The following ZCWPW2 variants were observed in gnomAD, a reference collection of about 807,000 sequenced individuals.
ZCWPW2 encodes the protein zinc finger CW-type PWWP domain protein 2.
Under a neutral mutation model 46.6 loss-of-function variants are expected in ZCWPW2, and 45 were observed. The observed-to-expected ratio is 0.96, with a 90% CI of 0.76 to 1.24. The LOEUF (loss-of-function observed/expected upper bound fraction) is 1.24. Among genes scored for constraint, ZCWPW2 ranks in the 50% most tolerant of loss-of-function variants. ZCWPW2 has a pLI of 0.00. For synonymous variants in ZCWPW2, 152 were observed against 137.1 expected, an observed-to-expected ratio of 1.11 and a Z score of -0.76; for missense variants, 429 against 403.9, an observed-to-expected ratio of 1.06 and a Z score of -0.53.
intron 6 of ZCWPW2, among the ~76,000 whole-genome samples, chr3:28,509,745 T>G (rs1700377331): frequency 6.6e-6 from 1 of 152,192 alleles, no homozygotes; most frequent in Non-Finnish European, 1.5e-5. Flanking sequence ...ATATATGATT[T>G]GAAAATATTT....
chr3:28,474,018 A>T (rs1699136453), intron 4 of ZCWPW2, among the ~76,000 whole-genome samples: 2 of 152,242 alleles, frequency 1.3e-5, no homozygotes, highest in African/African-American at 4.8e-5. Flanking sequence ...ATAACTAAAG[A>T]GTATAATTGG....
intron 1 of ZCWPW2, among the ~76,000 whole-genome samples, chr3:28,373,017 C>G (rs1705386446): frequency 6.6e-6 from 1 of 151,972 alleles, no homozygotes; most frequent in Non-Finnish European, 1.5e-5. Flanking sequence ...CTATATCTAT[C>G]TATCTACACA....
At chr3:28,432,179 T>C (rs997233333) in intron 3 of ZCWPW2, among the ~76,000 whole-genome samples, 2 of 152,168 alleles carry the variant, frequency 1.3e-5, no homozygotes, top group Non-Finnish European at 2.9e-5. Context: ...GCGTCTTGTC[T>C]GGTTTATGGC....
intron 2 of ZCWPW2, among the ~76,000 whole-genome samples, chr3:28,402,514 CAAGATA>C (rs896747557): frequency 3.3e-5 from 5 of 152,060 alleles, no homozygotes; most frequent in African/African-American, 1.2e-4. Context: ...CACTATTTCA[CAAGATA>C]AAGAAAGAGG....
At chr3:28,425,322 C>T (rs1295239506) in intron 3 of ZCWPW2, among the ~76,000 whole-genome samples, 1 of 152,092 alleles carries the variant, frequency 6.6e-6, no homozygotes, top group Non-Finnish European at 1.5e-5. Context: ...TTAAGAAACT[C>T]AAATATACTT....
At position 28,456,268 on chromosome 3, in the gene ZCWPW2, G is replaced by A. The variant is rs556140885; in HGVS notation, c.492+20999G>A. 8.5e-5 allele frequency among the ~76,000 whole-genome samples: 13 copies of A among 152,116 alleles called. No homozygotes were observed. The East Asian group carries it at 2.1e-3, about 25-fold the overall frequency. On this transcript the variant is annotated intron_variant, in intron 4 of 9. Transcript: ENST00000383768. ...CAATTGTGAATGGGAATTCATTTGC[G>A]ATTTTGCTCTTGGTTTGCCTGTTGT...
intron 3 of ZCWPW2, among the ~76,000 whole-genome samples, chr3:28,427,050 A>G (rs907783765): frequency 1.3e-5 from 2 of 152,142 alleles, no homozygotes; most frequent in Non-Finnish European, 1.5e-5. Flanking sequence ...ACTGGTATCT[A>G]TCTGATTTTG....
chr3:28,370,534 A>G (rs1243537812), intron 1 of ZCWPW2, among the ~76,000 whole-genome samples: 1 of 152,174 alleles, frequency 6.6e-6, no homozygotes, highest in Non-Finnish European at 1.5e-5. Flanking sequence ...AACTATTAGA[A>G]GTCATGATAA....
At chr3:28,473,878 G>A (rs994753504) in intron 4 of ZCWPW2, among the ~76,000 whole-genome samples, 1 of 152,172 alleles carries the variant, frequency 6.6e-6, no homozygotes, top group Non-Finnish European at 1.5e-5. Flanking sequence ...GGCTGGGAAG[G>A]TTAATGGAGT....
At chr3:28,374,681 A>C (rs558530146) in intron 1 of ZCWPW2, among the ~76,000 whole-genome samples, 1 of 152,060 alleles carries the variant, frequency 6.6e-6, no homozygotes, top group East Asian at 1.9e-4. Context: ...TCTTGTATAG[A>C]TCTTTCACTT....
intron 5 of ZCWPW2, among the ~76,000 whole-genome samples, chr3:28,480,000 G>C (rs1699374850): frequency 1.3e-5 from 2 of 152,094 alleles, no homozygotes; most frequent in African/African-American, 4.8e-5. Context: ...TTGAGTCATT[G>C]TCTTTGCTAT....
chr3:28,506,243 G>A (rs1427956330), intron 6 of ZCWPW2, among the ~76,000 whole-genome samples: 1 of 151,642 alleles, frequency 6.6e-6, no homozygotes, highest in Non-Finnish European at 1.5e-5. Flanking sequence ...TGTTATATTT[G>A]TGTGGATAGG....
chr3:28,396,375 G>T (rs1256827587), intron 2 of ZCWPW2, among the ~76,000 whole-genome samples: 1 of 152,060 alleles, frequency 6.6e-6, no homozygotes, highest in Non-Finnish European at 1.5e-5. Flanking sequence ...CTGGAGGTAG[G>T]CAGGACACAA....
At chr3:28,454,994 A>G (rs1345748589) in intron 4 of ZCWPW2, among the ~76,000 whole-genome samples, 1 of 152,184 alleles carries the variant, frequency 6.6e-6, no homozygotes, top group Admixed American at 6.5e-5. Flanking sequence ...CTTTGGGTCT[A>G]TACCTAGTAA....
intron 2 of ZCWPW2, among the ~76,000 whole-genome samples, chr3:28,402,972 C>T (rs1022448634): frequency 6.6e-6 from 1 of 152,164 alleles, no homozygotes; most frequent in Admixed American, 6.5e-5. Flanking sequence ...AAAGCATTCC[C>T]TCTGAGAACA....
chr3:28,498,286 T>C (rs1264720667), intron 6 of ZCWPW2, among the ~76,000 whole-genome samples: 1 of 150,720 alleles, frequency 6.6e-6, no homozygotes, highest in Non-Finnish European at 1.5e-5. Context: ...CAGGAAACAG[T>C]GTACTGTGGT....
At chr3:28,466,198 G>C (rs1053012479) in intron 4 of ZCWPW2, among the ~76,000 whole-genome samples, 2 of 152,096 alleles carry the variant, frequency 1.3e-5, no homozygotes, top group Non-Finnish European at 2.9e-5. Context: ...AGTAGGGTGG[G>C]AGGACAATGA....
Position 28,521,088 on chromosome 3 carries a change from A to G in ZCWPW2, c.881A>G (p.His294Arg), listed in dbSNP as rs773965353. 121 of 1,605,988 alleles carry G rather than the reference A, an allele frequency of 7.5e-5. 1 individual carries two copies. The Admixed American group carries it at 2.0e-3, about 27-fold the overall frequency. ...ACACCTGATGAATCAGAAGAAGGAC[A>G]TGGAGAGGAAATAAATATGGGAGAA... ...TATPDESEEG[H>R]GEEINMGEKL... Residue 294 changes from histidine (H) to arginine (R), a missense_variant, in exon 9 of 10, where the codon CAT (histidine) becomes CGT (arginine). Physicochemically the swap from His to Arg is conservative, Grantham distance 29. Coordinates refer to ENST00000383768, the MANE Select transcript of ZCWPW2 (RefSeq NM_001040432.4).
intron 6 of ZCWPW2, among the ~76,000 whole-genome samples, chr3:28,508,841 C>T (rs58730236): frequency 0.37 from 56,916 of 152,086 alleles, 11,436 homozygotes; most frequent in East Asian, 0.63. Context: ...TCAACCTTTC[C>T]ATGTCATTCC....
Sources: allele counts gnomAD v4.1 joint callset (sites outside exome capture counted in the v4.1 genomes callset), GRCh38; gene constraint gnomAD v4.1.1; transcripts MANE v1.5; gene names NCBI Gene and HGNC (gene_info 2026-07-23, HGNC 2026-07-21).